The following CACNA1D variants were observed in gnomAD, a reference collection of about 807,000 sequenced individuals.
CACNA1D encodes voltage-dependent L-type calcium channel subunit alpha-1D.
CACNA1D carries 55 observed loss-of-function variants against 257.1 expected under a neutral mutation model. The ratio of observed to expected loss-of-function variants is 0.21; its 90% CI spans 0.17 to 0.27. The LOEUF is 0.27. CACNA1D is among the 10% of genes least tolerant of loss of function. CACNA1D has a pLI of 1.00. For missense variants in CACNA1D, 1,876 were observed against 2,784.0 expected (o/e 0.67, Z 7.34); for synonymous variants, 980 against 1,014.9 (o/e 0.97, Z 0.65).
chr3:53,813,712 A>AAAT lies in CACNA1D; in HGVS notation c.*2307_*2309dup, dbSNP rs1228906185. 1.3e-5 allele frequency: 2 copies of AAAT among 152,174 alleles called. No individual in the cohort carries two copies. Among genetic ancestry groups the AAAT allele is most frequent in the East Asian group, 1.9e-4 (1 of 5,196 alleles). The allele number at this position is 152,174 out of a possible 1,614,324, so 9.4% of individuals were successfully genotyped here. A position where few individuals can be genotyped will look rare whatever the true frequency, so the allele number is the denominator to read the frequency against. ...CTGGTTCAACCTCTCATCGAATATT[A>AAAT]AATTTTTCTTTGTAAGAAAAATTTG... On this transcript the variant is annotated 3_prime_UTR_variant, in exon 48 of 48. Coordinates refer to ENST00000350061, the MANE Select transcript of CACNA1D (RefSeq NM_001128840.3).
At chr3:53,507,072 C>CAA (rs781421977) in intron 3 of CACNA1D, among the ~76,000 whole-genome samples, 16,013 of 56,116 alleles carry the variant, frequency 0.29, 2,456 homozygotes, top group Non-Finnish European at 0.36. Context: ...GACTCTATCT[C>CAA]AAAAAAAAAA....
intron 3 of CACNA1D, among the ~76,000 whole-genome samples, chr3:53,604,000 C>T (rs1375430028): frequency 1.3e-5 from 2 of 152,188 alleles, no homozygotes; most frequent in East Asian, 1.9e-4. Flanking sequence ...CAGCAGGTAT[C>T]TACATTTACA....
intron 3 of CACNA1D, among the ~76,000 whole-genome samples, chr3:53,575,266 G>C (rs756520894): frequency 1.3e-5 from 2 of 152,196 alleles, no homozygotes; most frequent in Non-Finnish European, 2.9e-5. Flanking sequence ...TCTGTGGGAT[G>C]AGAATGCAGG....
rs754026513 is a variant in CACNA1D, at chr3:53,774,604, C to T, written c.4128C>T (p.Ala1376=). The T allele has an allele frequency of 2.5e-6, 4 of 1,607,038 alleles. No individual in the cohort carries two copies. Among genetic ancestry groups the T allele is most frequent in the Non-Finnish European group, 3.4e-6 (4 of 1,173,646 alleles). ...CCACCTAGATGTTTGGGAAAGTTGC[C>T]ATGAGAGATAACAACCAGATCAATA... ...VIGMQMFGKV[A]MRDNNQINRN... The change falls in exon 34 of 48, where the codon GCC becomes GCT. Residue 1376 remains alanine (A), a synonymous_variant. Coordinates refer to ENST00000350061, the MANE Select transcript of CACNA1D (RefSeq NM_001128840.3). This position sits in a 1 kb window ranked among gnomAD's most constrained non-coding sequence, Gnocchi z 4.3.
intron 9 of CACNA1D, among the ~76,000 whole-genome samples, chr3:53,706,117 G>A (rs1249961857): frequency 6.6e-6 from 1 of 152,226 alleles, no homozygotes; most frequent in Non-Finnish European, 1.5e-5. Context: ...AGAGGAGGAT[G>A]GCGCAGGGCC....
At chr3:53,574,591 G>C (rs80046211) in intron 3 of CACNA1D, among the ~76,000 whole-genome samples, 1,561 of 152,274 alleles carry the variant, frequency 0.01, 30 homozygotes, top group South Asian at 0.038. Context: ...AATTCTACGA[G>C]AAGTCCATCC....
At chr3:53,727,874 TCA>T (rs1380003063) in intron 15 of CACNA1D, among the ~76,000 whole-genome samples, 4 of 152,220 alleles carry the variant, frequency 2.6e-5, no homozygotes, top group Non-Finnish European at 4.4e-5. Context: ...TAAATTTTCT[TCA>T]GTGTGGTAAC....
intron 29 of CACNA1D, among the ~76,000 whole-genome samples, chr3:53,756,502 G>A (rs907616269): frequency 2.6e-5 from 4 of 152,320 alleles, no homozygotes; most frequent in South Asian, 2.1e-4. Flanking sequence ...AAAAGCATCC[G>A]GGAAAAGCAA....
intron 3 of CACNA1D, among the ~76,000 whole-genome samples, chr3:53,562,349 C>A (rs370313693): frequency 3.3e-5 from 5 of 152,102 alleles, no homozygotes; most frequent in African/African-American, 1.2e-4. Context: ...TGAGCACTGC[C>A]ATTGTGTTCA....
intron 3 of CACNA1D, among the ~76,000 whole-genome samples, chr3:53,606,863 T>G (rs1371810427): frequency 6.6e-6 from 1 of 152,256 alleles, no homozygotes; most frequent in East Asian, 1.9e-4. Flanking sequence ...TGATCTGCTT[T>G]TTACTACTAT....
chr3:53,774,755 A>C lies in CACNA1D; in HGVS notation c.4202+77A>C. The C allele has an allele frequency of 1.2e-6, 1 of 822,590 alleles. No homozygotes were observed. Among genetic ancestry groups the C allele is most frequent in the Non-Finnish European group, 2.2e-6 (1 of 464,936 alleles). 51.0% of individuals were successfully genotyped at this position (822,590 alleles called of 1,614,324 possible). A position where few individuals can be genotyped will look rare whatever the true frequency, so the allele number is the denominator to read the frequency against. ...GTGGGTCCAGAGGGACGGAGGACAC[A>C]GGTTATTAAAGCAGTGTGCCTTTCT... On this transcript the variant is annotated intron_variant, in intron 34 of 47. Coordinates refer to ENST00000350061, the MANE Select transcript of CACNA1D (RefSeq NM_001128840.3). This position sits in a 1 kb window ranked among gnomAD's most constrained non-coding sequence, Gnocchi z 4.3.
At chr3:53,549,881 G>C (rs143520295) in intron 3 of CACNA1D, among the ~76,000 whole-genome samples, 5 of 152,250 alleles carry the variant, frequency 3.3e-5, no homozygotes, top group African/African-American at 1.2e-4. Flanking sequence ...TGACCCTTTA[G>C]CTTTGAGTAG....
intron 29 of CACNA1D, among the ~76,000 whole-genome samples, chr3:53,758,131 C>T (rs986963723): frequency 4.6e-5 from 7 of 152,160 alleles, no homozygotes; most frequent in Admixed American, 3.9e-4. Context: ...GCTTTTCTGT[C>T]GCAGGGTATC....
intron 3 of CACNA1D, among the ~76,000 whole-genome samples, chr3:53,563,255 G>A (rs1314070688): frequency 1.3e-5 from 2 of 152,046 alleles, no homozygotes; most frequent in Non-Finnish European, 2.9e-5. Flanking sequence ...CAGGCACGGT[G>A]GCTCACACCC....
At chr3:53,805,858 CCCT>C (rs1213560982) in intron 45 of CACNA1D, among the ~76,000 whole-genome samples, 4 of 142,802 alleles carry the variant, frequency 2.8e-5, no homozygotes, top group African/African-American at 5.3e-5. Flanking sequence ...TCCTCCTCCT[CCCT>C]CATCTTCCCT....
chr3:53,545,741 T>G (rs934089764), intron 3 of CACNA1D, among the ~76,000 whole-genome samples: 1 of 152,184 alleles, frequency 6.6e-6, no homozygotes, highest in Non-Finnish European at 1.5e-5. Context: ...CCTGGACACT[T>G]TCTTCTCCTT....
At chr3:53,545,174 A>G (rs2092385126) in intron 3 of CACNA1D, among the ~76,000 whole-genome samples, 1 of 152,158 alleles carries the variant, frequency 6.6e-6, no homozygotes, top group African/African-American at 2.4e-5. Flanking sequence ...TGATCTTTCA[A>G]ATTCTGCCCA....
intron 4 of CACNA1D, among the ~76,000 whole-genome samples, chr3:53,653,462 T>A (rs191030004): frequency 1.3e-5 from 2 of 152,208 alleles, no homozygotes; most frequent in Admixed American, 1.3e-4. Flanking sequence ...ACTGCTGTTA[T>A]AAATTTATGG....
At chr3:53,641,666 G>A (rs2093952370) in intron 3 of CACNA1D, among the ~76,000 whole-genome samples, 2 of 152,170 alleles carry the variant, frequency 1.3e-5, no homozygotes, top group Admixed American at 6.5e-5. Flanking sequence ...GCACGGGATG[G>A]GAAGGAAGGC....
Sources: allele counts gnomAD v4.1 joint callset (sites outside exome capture counted in the v4.1 genomes callset), GRCh38; gene constraint gnomAD v4.1.1; non-coding constraint Gnocchi (gnomAD v3.1); transcripts MANE v1.5; gene names NCBI Gene and HGNC (gene_info 2026-07-23, HGNC 2026-07-21).